ARHGAP8: variants seen among roughly 807,000 people sequenced by gnomAD.
ARHGAP8 encodes the protein Rho GTPase activating protein 8.
Under a neutral mutation model 46.1 loss-of-function variants are expected in ARHGAP8, and 62 were observed. The ratio of observed to expected loss-of-function variants is 1.34; its 90% CI spans 1.10 to 1.66. The LOEUF (loss-of-function observed/expected upper bound fraction) is 1.66, where lower values mean the gene tolerates loss of function less well. Ranked by LOEUF, ARHGAP8 falls within the 40% of genes most tolerant of loss-of-function variation. The pLI is 0.00. For missense variants in ARHGAP8, 923 were observed against 568.4 expected (o/e 1.62, Z -6.34); for synonymous variants, 375 against 243.1 (o/e 1.54, Z -5.05).
intron 1 of ARHGAP8, among the ~76,000 whole-genome samples, chr22:44,758,533 A>G (rs539691441): frequency 4.5e-4 from 68 of 152,268 alleles, no homozygotes; most frequent in Admixed American, 9.2e-4. Context: ...AGACTGAGTC[A>G]TTGAATTGGA....
intron 1 of ARHGAP8, among the ~76,000 whole-genome samples, chr22:44,771,239 T>G (rs1925971519): frequency 7.4e-6 from 1 of 135,156 alleles, no homozygotes; most frequent in African/African-American, 2.6e-5. Flanking sequence ...AGTTTGCAAG[T>G]AAATTTTTTT....
At chr22:44,779,585 G>A (rs539678645) in intron 1 of ARHGAP8, among the ~76,000 whole-genome samples, 3 of 85,100 alleles carry the variant, frequency 3.5e-5, no homozygotes, top group Non-Finnish European at 5.1e-5. Flanking sequence ...TTTTTGAGTT[G>A]GAGTCTTGCT....
chr22:44,854,061 A>C (rs1350141722), intron 10 of ARHGAP8, among the ~76,000 whole-genome samples: 1 of 138,300 alleles, frequency 7.2e-6, no homozygotes, highest in African/African-American at 2.8e-5. Context: ...AAAAAAAAAA[A>C]ACCATCAGAC....
In ARHGAP8 at chr22:44,862,573, T is replaced by TGGCA. The variant is rs1569192214; in HGVS notation, c.1282_1285dup (p.Ala429GlyfsTer47). 6.3e-7 allele frequency: 1 copy of TGGCA among 1,590,908 alleles called. No homozygotes were observed. Among genetic ancestry groups the TGGCA allele is most frequent in the Non-Finnish European group, 8.6e-7 (1 of 1,163,386 alleles). On this transcript the variant is annotated frameshift_variant, in exon 12 of 12. Coordinates refer to ENST00000356099, the MANE Select transcript of ARHGAP8 (RefSeq NM_181335.3). LOFTEE classifies it high-confidence loss of function. Reference sequence around the variant, plus strand: ...CCTACCCTACCTCCGAGTCCCCTGATGGCAGCCAGAAGACGTCTCTAGTGT... The same window carrying TGGCA: ...CCTACCCTACCTCCGAGTCCCCTGATGGCAGGCAGCCAGAAGACGTCTCTAGTGT...
chr22:44,855,320 C>G lies in ARHGAP8; in HGVS notation c.878-4411C>G, dbSNP rs200363890. Among the ~76,000 whole-genome samples the G allele has an allele frequency of 7.9e-5, 12 of 152,168 alleles. No individual in the cohort carries two copies. In the East Asian group the frequency reaches 2.3e-3, roughly 29 times the overall value. On this transcript the variant is annotated intron_variant, in intron 10 of 11. Transcript: ENST00000356099. ...AGTAGCTGAGGCATGCACTACCACA[C>G]CCAGCTAATTTTTAAATATTTTTTT...
chr22:44,759,554 CTG>C (rs1432182406), intron 1 of ARHGAP8, among the ~76,000 whole-genome samples: 2 of 152,206 alleles, frequency 1.3e-5, no homozygotes, highest in African/African-American at 2.4e-5. Flanking sequence ...CCTTCATTCT[CTG>C]TGGGCTGCTG....
At chr22:44,823,033 C>T (rs1422864541) in intron 6 of ARHGAP8, among the ~76,000 whole-genome samples, 1 of 152,268 alleles carries the variant, frequency 6.6e-6, no homozygotes, top group Non-Finnish European at 1.5e-5. Flanking sequence ...CCTGGGTTCC[C>T]TCTGCCCCTG....
At chr22:44,771,494 G>A (rs1482863684) in intron 1 of ARHGAP8, among the ~76,000 whole-genome samples, 4 of 150,520 alleles carry the variant, frequency 2.7e-5, no homozygotes, top group African/African-American at 9.8e-5. Flanking sequence ...TGATCCACCC[G>A]CCTCGGCCTC....
At chr22:44,808,263 T>C in intron 3 of ARHGAP8, 44 bp from the exon 4 acceptor site, 1 of 1,591,072 alleles carries the variant, frequency 6.3e-7, no homozygotes, top group Admixed American at 1.7e-5. Context: ...GTTTCAATAA[T>C]GAGTAGGTGA....
rs1356610160 is a variant in ARHGAP8, at chr22:44,786,470, C to T, written c.-58C>T. 3.2e-5 allele frequency: 51 copies of T among 1,604,934 alleles called. No homozygotes were observed. The highest frequency in any genetic ancestry group is 3.3e-4 in the Middle Eastern group (2 of 6,040). On this transcript the variant is annotated 5_prime_UTR_variant, in exon 2 of 12. Coordinates refer to ENST00000356099, the MANE Select transcript of ARHGAP8 (RefSeq NM_181335.3). ...TCTTTGCCGCAGAGCTGCAGAGAGA[C>T]AAGGCGGCGGCGGCTGCTGTGCTGG...
At chr22:44,853,531 C>T (rs543584863) in intron 10 of ARHGAP8, among the ~76,000 whole-genome samples, 1 of 152,330 alleles carries the variant, frequency 6.6e-6, no homozygotes, top group South Asian at 2.1e-4. Context: ...CATCATTTCT[C>T]TGTACCGTTG....
chr22:44,837,153 G>A (rs1363840939), intron 7 of ARHGAP8, among the ~76,000 whole-genome samples: 1 of 152,168 alleles, frequency 6.6e-6, no homozygotes, highest in African/African-American at 2.4e-5. Flanking sequence ...CCAAAGTGCT[G>A]GGATTACAGG....
intron 7 of ARHGAP8, among the ~76,000 whole-genome samples, chr22:44,830,287 G>A (rs143242187): frequency 0.033 from 5,048 of 152,066 alleles, 131 homozygotes; most frequent in Non-Finnish European, 0.051. Flanking sequence ...GCTTCCCAAA[G>A]TGCTGTGATT....
chr22:44,834,927 CT>C (rs1379154047), intron 7 of ARHGAP8, among the ~76,000 whole-genome samples: 3 of 152,014 alleles, frequency 2.0e-5, no homozygotes, highest in African/African-American at 7.2e-5. Flanking sequence ...CATTATAGCT[CT>C]TTTTAGTTAC....
At chr22:44,775,303 G>A (rs1018155778) in intron 1 of ARHGAP8, among the ~76,000 whole-genome samples, 2 of 152,190 alleles carry the variant, frequency 1.3e-5, no homozygotes, top group African/African-American at 4.8e-5. Flanking sequence ...CGAGAGTCTG[G>A]CTGCCTGGAT....
intron 1 of ARHGAP8, chr22:44,777,108 G>C (rs1926483514): frequency 6.6e-6 from 1 of 152,150 alleles, no homozygotes. Flanking sequence ...CCTAGCACGT[G>C]TTCCTCAAGT....
intron 2 of ARHGAP8, 24 bp from the exon 3 acceptor site, chr22:44,802,053 G>A: frequency 6.2e-7 from 1 of 1,613,348 alleles, no homozygotes; most frequent in African/African-American, 1.3e-5. Flanking sequence ...TGGCACAGAG[G>A]CTCACCTGTG....
intron 7 of ARHGAP8, among the ~76,000 whole-genome samples, chr22:44,830,699 A>G (rs529565622): frequency 4.6e-5 from 7 of 151,712 alleles, no homozygotes; most frequent in Admixed American, 3.9e-4. Context: ...ACCATGCCCA[A>G]CTAATTTTTT....
chr22:44,829,589 G>C (rs6007311), intron 7 of ARHGAP8, among the ~76,000 whole-genome samples: 2,075 of 152,308 alleles, frequency 0.014, 48 homozygotes, highest in African/African-American at 0.048. Context: ...CACACTGCGC[G>C]TGCAGCTTGG....
Sources: gnomAD v4.1 joint callset for allele counts (sites outside exome capture counted in the v4.1 genomes callset) on GRCh38, gnomAD v4.1.1 for gene constraint, MANE v1.5 for transcripts, NCBI Gene and HGNC (gene_info 2026-07-23, HGNC 2026-07-21) for gene names.